The following PABIR2 variants were observed in gnomAD, a reference collection of about 807,000 sequenced individuals.
The protein encoded by PABIR2 is family with sequence similarity 122B.
In PABIR2, 7 loss-of-function variants were observed where a neutral mutation model predicts 22.8. That is an observed-to-expected ratio of 0.31 (90% confidence interval 0.17 to 0.58). The LOEUF (loss-of-function observed/expected upper bound fraction) is 0.58, where lower values mean the gene tolerates loss of function less well. Ranked by LOEUF, PABIR2 falls within the 20% of genes least tolerant of loss-of-function variation. The probability of loss-of-function intolerance (pLI) is 0.89; values close to 1 mark genes in which losing one functional copy is unlikely to be tolerated. For synonymous variants in PABIR2, 67 were observed against 73.8 expected, an observed-to-expected ratio of 0.91 and a Z score of 0.47; for missense variants, 155 against 205.1, an observed-to-expected ratio of 0.76 and a Z score of 1.49.
chrX:134,780,455 T>C (rs1306898299), intron 9 of PABIR2, among the ~76,000 whole-genome samples: 1 of 111,581 alleles, frequency 9.0e-6, no homozygotes, highest in East Asian at 2.8e-4. Context: ...GGCCCATGCC[T>C]GTAGTCCCAG....
chrX:134,789,554 A>C (rs1300867287), intron 3 of PABIR2, 26 bp downstream of exon 3: 2 of 1,138,152 alleles, frequency 1.8e-6, no homozygotes, highest in African/African-American at 3.6e-5. Context: ...AAAAATTTCC[A>C]ATCTGAGCTA....
At chrX:134,790,413 G>T (rs2079511448) in intron 2 of PABIR2, among the ~76,000 whole-genome samples, 1 of 112,751 alleles carries the variant, frequency 8.9e-6, no homozygotes, top group Non-Finnish European at 1.9e-5. Context: ...ATAACGAAAT[G>T]CAAGTGAACT....
Position 134,771,190 on chromosome X carries a change from C to A in PABIR2, c.*949G>T, listed in dbSNP as rs1035434450. The A allele has an allele frequency of 2.6e-6, 2 of 771,666 alleles. No individual in the cohort carries two copies. The highest frequency in any genetic ancestry group is 4.3e-5 in the African/African-American group (2 of 46,080). 63.6% of individuals were successfully genotyped at this position (771,666 alleles called of 1,213,427 possible). A position where few individuals can be genotyped will look rare whatever the true frequency, so the allele number is the denominator to read the frequency against. On this transcript the variant is annotated 3_prime_UTR_variant, in exon 10 of 10. Coordinates refer to ENST00000343004, the MANE Select transcript of PABIR2 (RefSeq NM_001387468.1). ...ATGATATACATCCCTTATAGCATGA[C>A]AATGTACCCCAAGGCACCTGAGGCC...
chrX:134,777,588 G>A (rs2079017805), intron 9 of PABIR2, among the ~76,000 whole-genome samples: 1 of 107,011 alleles, frequency 9.3e-6, no homozygotes, highest in Admixed American at 1.0e-4. Context: ...TGTAATCCCA[G>A]CACTTTGGGA....
chrX:134,776,645 A>G (rs781190020), intron 9 of PABIR2, among the ~76,000 whole-genome samples: 124 of 111,878 alleles, frequency 1.1e-3, no homozygotes, highest in African/African-American at 3.6e-3. Context: ...GAAAAGAAAA[A>G]AAAAGTATGC....
In PABIR2 at chrX:134,788,805, C is replaced by A; in HGVS notation, c.360G>T (p.Glu120Asp). The change falls in exon 6 of 10, where the codon GAG (glutamate) becomes GAT (aspartate). Residue 120 changes from glutamate (E) to aspartate (D), a missense_variant. Glu to Asp is a conservative substitution (Grantham distance 45, BLOSUM62 2). Coordinates refer to ENST00000343004, the MANE Select transcript of PABIR2 (RefSeq NM_001387468.1). Reference sequence around the variant, plus strand: ...CAATTCTCTTAGGAGAATATAATTTCTCCGGCTTGTCAAAATCACTGTCAC... The same window carrying A: ...CAATTCTCTTAGGAGAATATAATTTATCCGGCTTGTCAAAATCACTGTCAC... ...SLSDSDFDKP[E>D]KLYSPKRIDF... is the part of the protein sequence containing the mutation. 2 of 1,206,619 alleles carry A rather than the reference C, an allele frequency of 1.7e-6. No homozygotes were observed. Among genetic ancestry groups the A allele is most frequent in the Non-Finnish European group, 2.2e-6 (2 of 893,961 alleles).
intron 2 of PABIR2, among the ~76,000 whole-genome samples, chrX:134,789,990 AC>A (rs1229816322): frequency 2.7e-5 from 3 of 112,104 alleles, no homozygotes; most frequent in Non-Finnish European, 5.6e-5. Flanking sequence ...AGAAAAAAAA[AC>A]ACCAATGTTA....
rs1269630990 is a variant in PABIR2, at chrX:134,771,421, G to A, written c.*718C>T. On this transcript the variant is annotated 3_prime_UTR_variant, in exon 10 of 10. Transcript: ENST00000343004. ...AGGTTTGAGGAGAAATATATCAACT[G>A]TGGTAGCAAAGTCATAAGAACCTGT... The A allele has an allele frequency of 3.6e-6, 4 of 1,114,660 alleles. No homozygotes were observed. In the East Asian group the frequency reaches 1.0e-4, roughly 28 times the overall value. The allele number at this position is 1,114,660 out of a possible 1,213,427, so 91.9% of individuals were successfully genotyped here.
chrX:134,782,494 C>CTCAA (rs1416396377), intron 8 of PABIR2, among the ~76,000 whole-genome samples: 1 of 111,874 alleles, frequency 8.9e-6, no homozygotes, highest in Non-Finnish European at 1.9e-5. Flanking sequence ...TACTGACCAC[C>CTCAA]TCAATCATAC....
chrX:134,788,024 C>CAT (rs201910829), intron 6 of PABIR2, among the ~76,000 whole-genome samples: 63 of 105,824 alleles, frequency 6.0e-4, no homozygotes, highest in South Asian at 4.3e-3. Flanking sequence ...AACTAAATTA[C>CAT]ATATATATAT....
rs145373087 is a variant in PABIR2 at position 134,780,016 on chromosome X, T to C, written c.659+1805A>G. ...ACAGAGATGAGAGGAAAAGAGACCA[T>C]GGAGCTGAAAATAGCTAGAACAATC... On this transcript the variant is annotated intron_variant, in intron 9 of 9. Transcript: ENST00000343004. Among the ~76,000 whole-genome samples the C allele has an allele frequency of 9.1e-3, 1,027 of 112,549 alleles. 7 individuals carry two copies. Among genetic ancestry groups the C allele is most frequent in the South Asian group, 0.023 (62 of 2,737 alleles).
intron 9 of PABIR2, among the ~76,000 whole-genome samples, chrX:134,773,942 C>A (rs2078899487): frequency 8.9e-6 from 1 of 111,927 alleles, no homozygotes; most frequent in Admixed American, 9.5e-5. Context: ...CCCACCCTTG[C>A]TTCTCTACTC....
intron 9 of PABIR2, among the ~76,000 whole-genome samples, chrX:134,774,938 C>T (rs1321994081): frequency 8.9e-6 from 1 of 112,074 alleles, no homozygotes; most frequent in Non-Finnish European, 1.9e-5. Context: ...TTTTAACCCA[C>T]AGCAACATCA....
At chrX:134,791,719 T>C (rs1211086256) in intron 2 of PABIR2, 1 of 323,135 alleles carries the variant, frequency 3.1e-6, no homozygotes, top group African/African-American at 2.7e-5. Context: ...GTCTGTCTTC[T>C]TTGTAAAGTA....
chrX:134,772,494 GT>G (rs1460122238), intron 9 of PABIR2, among the ~76,000 whole-genome samples: 3 of 111,467 alleles, frequency 2.7e-5, no homozygotes, highest in African/African-American at 9.8e-5. Context: ...TCATTTGATT[GT>G]CCCCCCTAGA....
intron 9 of PABIR2, among the ~76,000 whole-genome samples, chrX:134,774,161 T>C (rs1344328389): frequency 8.9e-6 from 1 of 112,339 alleles, no homozygotes; most frequent in Non-Finnish European, 1.9e-5. Flanking sequence ...CTGGCTCCGA[T>C]ATTTTTTCAA....
chrX:134,778,242 C>A (rs1264147010), intron 9 of PABIR2, among the ~76,000 whole-genome samples: 1 of 101,610 alleles, frequency 9.8e-6, no homozygotes, highest in African/African-American at 3.6e-5. Flanking sequence ...TGGTGGCTCA[C>A]GCCTGTAATC....
intron 5 of PABIR2, 98 bp downstream of exon 5, chrX:134,788,987 T>G: frequency 9.3e-7 from 1 of 1,080,208 alleles, no homozygotes. Flanking sequence ...AATTTGGAAG[T>G]AGAAGGGGAA....
Position 134,796,282 on chromosome X carries a change from C to G in PABIR2, c.-77G>C. 1 of 669,268 alleles carries G rather than the reference C, an allele frequency of 1.5e-6. No homozygotes were observed. The allele number at this position is 669,268 out of a possible 1,213,427, so 55.2% of individuals were successfully genotyped here. A position where few individuals can be genotyped will look rare whatever the true frequency, so the allele number is the denominator to read the frequency against. ...CTATGGACTCCCAAGACTCTCACTG[C>G]AGGACTGAGCTGCTGGGGACTGGCA... On this transcript the variant is annotated 5_prime_UTR_variant, in exon 1 of 10. Transcript: ENST00000343004.
Sources: allele counts gnomAD v4.1 joint callset (sites outside exome capture counted in the v4.1 genomes callset), GRCh38; gene constraint gnomAD v4.1.1; transcripts MANE v1.5; gene names NCBI Gene and HGNC (gene_info 2026-07-23, HGNC 2026-07-21).